The following DEPDC5 variants were observed in gnomAD, a reference collection of about 807,000 sequenced individuals.
The protein encoded by DEPDC5 is GATOR1 complex protein DEPDC5.
A neutral mutation model predicts 217.3 loss-of-function variants in DEPDC5; 73 were observed. The observed-to-expected ratio is 0.34, with a 90% confidence interval of 0.28 to 0.41. DEPDC5 has a LOEUF of 0.41. DEPDC5 is among the 10% of genes least tolerant of loss of function. DEPDC5 has a pLI of 1.00. For missense variants in DEPDC5, 1,675 were observed against 2,070.1 expected, an observed-to-expected ratio of 0.81 and a Z score of 3.70; for synonymous variants, 733 against 756.7, an observed-to-expected ratio of 0.97 and a Z score of 0.51.
At chr22:31,868,448 G>A (rs1405260520) in intron 33 of DEPDC5, among the ~76,000 whole-genome samples, 1 of 151,964 alleles carries the variant, frequency 6.6e-6, no homozygotes, top group East Asian at 1.9e-4. Context: ...ATTTTTTTGA[G>A]ACAGGGTCTC....
In DEPDC5 at chr22:31,890,681, C is replaced by T. The variant is rs547283449; in HGVS notation, c.4034-2901C>T. On this transcript the variant is annotated intron_variant, in intron 38 of 42. Transcript: ENST00000651528. Reference sequence around the variant, plus strand: ...CCGAGATCACGCCACTGCACTCCAGCCTGGGCAACAAAGTGAGATTCTGTC... The same window carrying T: ...CCGAGATCACGCCACTGCACTCCAGTCTGGGCAACAAAGTGAGATTCTGTC... Among the ~76,000 whole-genome samples the T allele has an allele frequency of 2.8e-4, 43 of 151,620 alleles. 1 individual carries two copies. In the South Asian group the frequency reaches 7.8e-3, roughly 27 times the overall value.
intron 2 of DEPDC5, among the ~76,000 whole-genome samples, chr22:31,756,829 G>A (rs1262717728): frequency 6.6e-6 from 1 of 151,712 alleles, no homozygotes; most frequent in Non-Finnish European, 1.5e-5. Flanking sequence ...GCTGAGGCAC[G>A]AGAATTGCTT....
chr22:31,867,435 C>T (rs1177322002), intron 33 of DEPDC5, among the ~76,000 whole-genome samples: 1 of 152,168 alleles, frequency 6.6e-6, no homozygotes, highest in African/African-American at 2.4e-5. Context: ...TAAAGACAAC[C>T]AGATTCCTTG....
intron 31 of DEPDC5, among the ~76,000 whole-genome samples, chr22:31,849,016 A>G (rs1195505072): frequency 6.6e-6 from 1 of 152,186 alleles, no homozygotes; most frequent in Admixed American, 6.5e-5. Context: ...ACTTCAGCCT[A>G]GACTTCATTG....
intron 36 of DEPDC5, 111 bp downstream of exon 36, chr22:31,874,516 G>A: frequency 7.2e-7 from 1 of 1,380,538 alleles, no homozygotes; most frequent in East Asian, 2.6e-5. Context: ...GTTGGGGTGA[G>A]GATTTTTTTT....
At chr22:31,833,760 C>G in intron 24 of DEPDC5, 155 bp from the exon 25 acceptor site, 1 of 524,958 alleles carries the variant, frequency 1.9e-6, no homozygotes, top group Non-Finnish European at 3.3e-6. Context: ...TTTCTTTGAT[C>G]GATTCTTTTG....
At chr22:31,840,611 C>G (rs2091332597) in intron 27 of DEPDC5, among the ~76,000 whole-genome samples, 1 of 152,216 alleles carries the variant, frequency 6.6e-6, no homozygotes, top group Non-Finnish European at 1.5e-5. Flanking sequence ...CTGGCTGATC[C>G]ATGAGCCTCA....
intron 2 of DEPDC5, among the ~76,000 whole-genome samples, chr22:31,756,057 T>G (rs1359427104): frequency 6.7e-6 from 1 of 149,398 alleles, no homozygotes; most frequent in Non-Finnish European, 1.5e-5. Context: ...TTTTTTTTTT[T>G]GTATTTTAGT....
In DEPDC5 at chr22:31,860,506, A is replaced by T. The variant is rs558861180; in HGVS notation, c.3265-862A>T. Among the ~76,000 whole-genome samples the T allele has an allele frequency of 4.3e-4, 65 of 152,314 alleles. 1 individual carries two copies. The highest frequency in any genetic ancestry group is 1.4e-3 in the African/African-American group (57 of 41,570). ...TAAAAAGTAAAAAGATTCCGAAAGG[A>T]AAGAGGGTACTACTTAAGAATGATG... On this transcript the variant is annotated intron_variant, in intron 32 of 42. Transcript: ENST00000651528.
chr22:31,858,541 G>A (rs2092389707), intron 32 of DEPDC5: 3 of 151,920 alleles, frequency 2.0e-5, no homozygotes, highest in Admixed American at 6.6e-5. Context: ...TGGTCAAATG[G>A]TATATCTGTG....
Position 31,792,826 on chromosome 22 carries a change from G to T in DEPDC5, c.767+9G>T. 6.6e-7 allele frequency: 1 copy of T among 1,517,620 alleles called. No homozygotes were observed. The highest frequency in any genetic ancestry group is 8.7e-7 in the Non-Finnish European group (1 of 1,143,776). 94.0% of individuals were successfully genotyped at this position (1,517,620 alleles called of 1,614,324 possible). ...TATGAAGACTTTTACAAGTATGTTT[G>T]GGTGCTTTGCTATACTTTTTATTTA... On this transcript the variant is annotated intron_variant, in intron 12 of 42. Coordinates refer to ENST00000651528, the MANE Select transcript of DEPDC5 (RefSeq NM_001242896.3).
At chr22:31,781,221 AC>A (rs750406080) in intron 8 of DEPDC5, among the ~76,000 whole-genome samples, 4,698 of 140,734 alleles carry the variant, frequency 0.033, 103 homozygotes, top group South Asian at 0.066. Context: ...GGTCTCAAAA[AC>A]AAACAAACAA....
At chr22:31,760,849 C>A in intron 4 of DEPDC5, 147 bp downstream of exon 4, 1 of 686,664 alleles carries the variant, frequency 1.5e-6, no homozygotes, top group Non-Finnish European at 2.4e-6. Flanking sequence ...TCAGGCAGTA[C>A]ATGGGAATGT....
chr22:31,874,662 C>A (rs930342686), intron 36 of DEPDC5, among the ~76,000 whole-genome samples: 1 of 152,130 alleles, frequency 6.6e-6, no homozygotes, highest in Admixed American at 6.5e-5. Flanking sequence ...CATTTATAAA[C>A]CTCAGAAAAA....
At chr22:31,814,951 A>G in intron 20 of DEPDC5, 41 bp from the exon 21 acceptor site, 1 of 1,607,818 alleles carries the variant, frequency 6.2e-7, no homozygotes, top group East Asian at 2.2e-5. Context: ...GTAGGACAGC[A>G]TCCCTCGCTT....
chr22:31,854,351 A>G (rs572051314), intron 31 of DEPDC5, among the ~76,000 whole-genome samples: 2 of 152,326 alleles, frequency 1.3e-5, no homozygotes, highest in African/African-American at 4.8e-5. Context: ...TGGGGATGCA[A>G]GAATCTCACA....
At chr22:31,791,762 A>G (rs891012658) in intron 10 of DEPDC5, among the ~76,000 whole-genome samples, 1 of 151,066 alleles carries the variant, frequency 6.6e-6, no homozygotes, top group African/African-American at 2.4e-5. Context: ...CCGCATCTCT[A>G]CTAAAAATAC....
At chr22:31,832,291 G>A (rs527341030) in intron 24 of DEPDC5, among the ~76,000 whole-genome samples, 2 of 152,176 alleles carry the variant, frequency 1.3e-5, no homozygotes, top group East Asian at 1.9e-4. Flanking sequence ...CATTTTTCTT[G>A]TATAAATTTC....
chr22:31,901,147 G>T (rs1432338646), intron 40 of DEPDC5, among the ~76,000 whole-genome samples: 1 of 151,708 alleles, frequency 6.6e-6, no homozygotes, highest in Non-Finnish European at 1.5e-5. Context: ...GGAGGCTGAG[G>T]CATGAGAATC....
Sources: allele counts gnomAD v4.1 joint callset (sites outside exome capture counted in the v4.1 genomes callset), GRCh38; gene constraint gnomAD v4.1.1; transcripts MANE v1.5; gene names NCBI Gene and HGNC (gene_info 2026-07-23, HGNC 2026-07-21).